The following SERPINI1 variants were observed in gnomAD, a reference collection of about 807,000 sequenced individuals.
SERPINI1 encodes the protein neuroserpin.
A neutral mutation model predicts 41.1 loss-of-function variants in SERPINI1; 19 were observed. The ratio of observed to expected loss-of-function variants is 0.46; its 90% CI spans 0.32 to 0.68. The LOEUF (loss-of-function observed/expected upper bound fraction) is 0.68, where lower values mean the gene tolerates loss of function less well. Among genes scored for constraint, SERPINI1 ranks in the 30% least tolerant of loss-of-function variants. The pLI is 0.03. For missense variants in SERPINI1, 460 were observed against 479.2 expected (o/e 0.96, Z 0.37); for synonymous variants, 138 against 156.6 (o/e 0.88, Z 0.89).
chr3:167,755,883 A>G (rs1156451002), intron 1 of SERPINI1, among the ~76,000 whole-genome samples: 3 of 147,058 alleles, frequency 2.0e-5, no homozygotes, highest in Admixed American at 7.0e-5. Flanking sequence ...ACTGATATTC[A>G]GTGAAAGAGT....
intron 1 of SERPINI1, among the ~76,000 whole-genome samples, chr3:167,742,359 A>G (rs1391450872): frequency 6.6e-6 from 1 of 152,132 alleles, no homozygotes; most frequent in African/African-American, 2.4e-5. Context: ...AACAATAGGG[A>G]TTTATTTTTC....
intron 5 of SERPINI1, among the ~76,000 whole-genome samples, chr3:167,798,102 T>G (rs556437933): frequency 1.1e-4 from 16 of 152,264 alleles, no homozygotes; most frequent in Non-Finnish European, 1.6e-4. Context: ...AATGAATGCT[T>G]ACTAAATATT....
At chr3:167,803,965 T>G (rs750014335) in intron 5 of SERPINI1, among the ~76,000 whole-genome samples, 1 of 152,234 alleles carries the variant, frequency 6.6e-6, no homozygotes, top group Non-Finnish European at 1.5e-5. Context: ...TTCTGGCATA[T>G]ACTAAGCTCC....
intron 1 of SERPINI1, among the ~76,000 whole-genome samples, chr3:167,764,204 A>T (rs917910780): frequency 3.3e-5 from 5 of 152,080 alleles, no homozygotes; most frequent in Non-Finnish European, 2.9e-5. Flanking sequence ...CAATCAACAG[A>T]TGGTGCTAAC....
At chr3:167,769,976 CA>C (rs1297025335) in intron 1 of SERPINI1, among the ~76,000 whole-genome samples, 10 of 131,578 alleles carry the variant, frequency 7.6e-5, no homozygotes, top group African/African-American at 2.9e-4. Context: ...ACTGTAGTTA[CA>C]TGTTTTTTTT....
chr3:167,811,129 G>C (rs1711862077), intron 6 of SERPINI1, among the ~76,000 whole-genome samples: 1 of 151,452 alleles, frequency 6.6e-6, no homozygotes, highest in Non-Finnish European at 1.5e-5. Flanking sequence ...ACTTCTTCCA[G>C]ACCCCTGTTA....
intron 1 of SERPINI1, among the ~76,000 whole-genome samples, chr3:167,774,115 A>T (rs35712234): frequency 0.01 from 1,556 of 152,324 alleles, 25 homozygotes; most frequent in African/African-American, 0.036. Flanking sequence ...ATACATTTTT[A>T]AAAACATCAT....
chr3:167,786,534 A>G (rs9851958), intron 1 of SERPINI1, among the ~76,000 whole-genome samples: 82,093 of 145,516 alleles, frequency 0.56, 25,973 homozygotes, highest in African/African-American at 0.87. Flanking sequence ...AAAAGACTTA[A>G]AGAAGATAAA....
intron 1 of SERPINI1, among the ~76,000 whole-genome samples, chr3:167,759,465 A>G (rs1237428755): frequency 6.6e-6 from 1 of 150,462 alleles, no homozygotes; most frequent in Non-Finnish European, 1.5e-5. Context: ...ATGAAATCAT[A>G]TACTTCGTAG....
In SERPINI1 at chr3:167,772,823, ACTCTCTCTCTCT is replaced by A. The variant is rs1172788769; in HGVS notation, c.-18-16257_-18-16246del. On this transcript the variant is annotated intron_variant, in intron 1 of 8. Coordinates refer to ENST00000446050, the MANE Select transcript of SERPINI1 (RefSeq NM_001122752.2). ...ATTCCAGCCTGGGCAGTATCTTGAGACTCTCTCTCTCTCTCTCTCTCTCTCTCTCTCTCTCTC... is the reference window on the plus strand; with the variant it reads ...ATTCCAGCCTGGGCAGTATCTTGAGACTCTCTCTCTCTCTCTCTCTCTCTC... 7.0e-3 allele frequency among the ~76,000 whole-genome samples: 165 copies of A among 23,648 alleles called. 2 individuals are homozygous for A. Among genetic ancestry groups the A allele is most frequent in the African/African-American group, 0.017 (114 of 6,832 alleles). 15.5% of individuals were successfully genotyped at this position (23,648 alleles called of 152,430 possible). A position where few individuals can be genotyped will look rare whatever the true frequency, so the allele number is the denominator to read the frequency against.
chr3:167,817,649 G>A (rs1712150356), intron 6 of SERPINI1, among the ~76,000 whole-genome samples: 1 of 151,804 alleles, frequency 6.6e-6, no homozygotes, highest in Admixed American at 6.6e-5. Flanking sequence ...CCAGGCTCGA[G>A]TGCAGTGGCC....
intron 1 of SERPINI1, among the ~76,000 whole-genome samples, chr3:167,743,606 C>A (rs1480012490): frequency 3.3e-5 from 5 of 151,972 alleles, no homozygotes; most frequent in African/African-American, 9.7e-5. Context: ...ATAAGAGTCA[C>A]GTGTAAATTT....
At chr3:167,819,974 G>T (rs538213249) in intron 6 of SERPINI1, among the ~76,000 whole-genome samples, 2 of 152,148 alleles carry the variant, frequency 1.3e-5, no homozygotes, top group African/African-American at 4.8e-5. Context: ...CTTTCTTAGG[G>T]AAAAGTTGAA....
intron 3 of SERPINI1, among the ~76,000 whole-genome samples, chr3:167,791,491 TA>T (rs1727508630): frequency 6.6e-6 from 1 of 152,032 alleles, no homozygotes; most frequent in Admixed American, 6.6e-5. Context: ...TCTATGAGAT[TA>T]AAAAAAGATG....
intron 1 of SERPINI1, among the ~76,000 whole-genome samples, chr3:167,766,669 G>A (rs986981172): frequency 2.0e-5 from 3 of 152,230 alleles, no homozygotes; most frequent in African/African-American, 7.2e-5. Flanking sequence ...CCACTCCAGT[G>A]AGCACATGGA....
At chr3:167,736,625 G>A (rs2108526279) in intron 1 of SERPINI1, among the ~76,000 whole-genome samples, 1 of 152,268 alleles carries the variant, frequency 6.6e-6, no homozygotes, top group South Asian at 2.1e-4. Context: ...TAGAGAGTAT[G>A]TGCTGAAGGA....
intron 1 of SERPINI1, among the ~76,000 whole-genome samples, chr3:167,771,833 G>A (rs954773491): frequency 1.0e-4 from 15 of 147,406 alleles, no homozygotes; most frequent in East Asian, 9.7e-4. Flanking sequence ...GTGTGTGTGC[G>A]CGTGTGTGTG....
chr3:167,741,028 A>G (rs1725662259), intron 1 of SERPINI1, among the ~76,000 whole-genome samples: 2 of 152,210 alleles, frequency 1.3e-5, no homozygotes, highest in Non-Finnish European at 2.9e-5. Flanking sequence ...TACCTGAATT[A>G]TACAGGTATT....
At chr3:167,770,316 A>T (rs1055569116) in intron 1 of SERPINI1, among the ~76,000 whole-genome samples, 1 of 152,002 alleles carries the variant, frequency 6.6e-6, no homozygotes, top group African/African-American at 2.4e-5. Flanking sequence ...GTACAAAGTA[A>T]TCTTCTTTAT....
Sources: gnomAD v4.1 joint callset for allele counts (sites outside exome capture counted in the v4.1 genomes callset) on GRCh38, gnomAD v4.1.1 for gene constraint, MANE v1.5 for transcripts, NCBI Gene and HGNC (gene_info 2026-07-23, HGNC 2026-07-21) for gene names.